Variants in SKA2 observed in about 807,000 individuals in gnomAD.
The protein encoded by SKA2 is spindle and kinetochore associated complex subunit 2, also known as spindle and kinetochore-associated protein 2.
Under a neutral mutation model 16.9 loss-of-function variants are expected in SKA2, and 13 were observed. The observed-to-expected ratio is 0.77, with a 90% CI of 0.50 to 1.22. The LOEUF (loss-of-function observed/expected upper bound fraction) is 1.22. Ranked by LOEUF, SKA2 falls within the 50% of genes most tolerant of loss-of-function variation. The pLI is 0.00. For synonymous variants in SKA2, 47 were observed against 48.5 expected, an observed-to-expected ratio of 0.97 and a Z score of 0.13; for missense variants, 107 against 139.7, an observed-to-expected ratio of 0.77 and a Z score of 1.18.
At position 59,117,018 on chromosome 17, in the gene SKA2, T is replaced by C. The variant is rs553851504; in HGVS notation, c.297+2301A>G. 4.6e-5 allele frequency among the ~76,000 whole-genome samples: 7 copies of C among 152,096 alleles called. No individual in the cohort carries two copies. In the East Asian group the frequency reaches 9.7e-4, roughly 21 times the overall value. On this transcript the variant is annotated intron_variant, in intron 3 of 3. Transcript: ENST00000330137. ...TTTTAGTAGAGATGGGGTTTCACCATGTCAGCCAGGATGGTCTCGATCTCC... is the reference window on the plus strand; with the variant it reads ...TTTTAGTAGAGATGGGGTTTCACCACGTCAGCCAGGATGGTCTCGATCTCC...
intron 1 of SKA2, among the ~76,000 whole-genome samples, chr17:59,146,991 C>A (rs1020851998): frequency 6.6e-6 from 1 of 151,864 alleles, no homozygotes; most frequent in Non-Finnish European, 1.5e-5. Context: ...GTCTTTTTTT[C>A]TTTTCTTTTT....
In SKA2 at chr17:59,146,699, T is replaced by C. The variant is rs546426997; in HGVS notation, c.33+8432A>G. ...GTTTTTGAGACAGGGTCTTGTTCTG[T>C]AACCCAGGATGGAGTGCAGTGGCAG... On this transcript the variant is annotated intron_variant, in intron 1 of 3. Transcript: ENST00000330137. Among the ~76,000 whole-genome samples the C allele has an allele frequency of 6.6e-5, 10 of 152,306 alleles. No homozygotes were observed. The South Asian group carries it at 2.1e-3, about 32-fold the overall frequency.
chr17:59,144,837 C>T (rs1006124554), intron 1 of SKA2, among the ~76,000 whole-genome samples: 2 of 152,138 alleles, frequency 1.3e-5, no homozygotes, highest in African/African-American at 2.4e-5. Flanking sequence ...TGGAGTCTCA[C>T]TCTGTCGCCC....
chr17:59,142,556 C>CT (rs901106211), intron 1 of SKA2, among the ~76,000 whole-genome samples: 13 of 151,670 alleles, frequency 8.6e-5, no homozygotes, highest in African/African-American at 2.9e-4. Context: ...TCCCAAAGTG[C>CT]TAGGATTACA....
rs2046266235 is a variant in SKA2, at chr17:59,111,958, AG to A, written c.*318del. 4.0e-6 allele frequency: 1 copy of A among 247,650 alleles called. No homozygotes were observed. The highest frequency in any genetic ancestry group is 8.2e-6 in the Non-Finnish European group (1 of 122,192). The allele number at this position is 247,650 out of a possible 1,614,324, so 15.3% of individuals were successfully genotyped here. ...CAGAACATCTATATTATCATGACTT[AG>A]AAAAAGAAAACAGATGCAAAATAGT... On this transcript the variant is annotated 3_prime_UTR_variant, in exon 4 of 4. Transcript: ENST00000330137.
rs150316606 is a variant in SKA2 at position 59,131,401 on chromosome 17, C to A, written c.34-34G>T. 85 of 1,374,828 alleles carry A rather than the reference C, an allele frequency of 6.2e-5. No individual in the cohort carries two copies. The African/African-American group carries it at 1.1e-3, about 17-fold the overall frequency. The allele number at this position is 1,374,828 out of a possible 1,614,324, so 85.2% of individuals were successfully genotyped here. On this transcript the variant is annotated intron_variant, in intron 1 of 3. Coordinates refer to ENST00000330137, the MANE Select transcript of SKA2 (RefSeq NM_182620.4). Reference sequence around the variant, plus strand: ...CAGCACAAATCATTATTGTGTAAACCAAAAGACTAATAGTAAACATGATAC... The same window carrying A: ...CAGCACAAATCATTATTGTGTAAACAAAAAGACTAATAGTAAACATGATAC...
At chr17:59,153,058 TAA>T (rs1243452624) in intron 1 of SKA2, among the ~76,000 whole-genome samples, 11 of 152,204 alleles carry the variant, frequency 7.2e-5, no homozygotes, top group Non-Finnish European at 5.9e-5. Context: ...ATTGTTCACT[TAA>T]AAGAGAATTT....
At chr17:59,122,011 C>T (rs571654658) in intron 2 of SKA2, among the ~76,000 whole-genome samples, 1 of 150,998 alleles carries the variant, frequency 6.6e-6, no homozygotes, top group Non-Finnish European at 1.5e-5. Context: ...ATTCAAGAAG[C>T]CTATAGAGCA....
chr17:59,130,045 GGA>G (rs1177150381), intron 2 of SKA2, among the ~76,000 whole-genome samples: 3 of 127,720 alleles, frequency 2.3e-5, no homozygotes, highest in South Asian at 2.8e-4. Flanking sequence ...GAGGCGGGGG[GGA>G]GAGAGAGAAA....
chr17:59,133,046 T>C (rs1414589071), intron 1 of SKA2, among the ~76,000 whole-genome samples: 2 of 152,228 alleles, frequency 1.3e-5, no homozygotes, highest in Non-Finnish European at 2.9e-5. Flanking sequence ...GGCACCATCA[T>C]AGCTCACTGC....
intron 1 of SKA2, among the ~76,000 whole-genome samples, chr17:59,136,162 A>T (rs930371210): frequency 5.3e-5 from 8 of 151,864 alleles, no homozygotes; most frequent in Non-Finnish European, 8.8e-5. Flanking sequence ...GGCAGTACTG[A>T]CTTATTATTA....
chr17:59,140,526 G>A (rs573170223), intron 1 of SKA2, among the ~76,000 whole-genome samples: 4 of 151,910 alleles, frequency 2.6e-5, no homozygotes, highest in African/African-American at 7.2e-5. Flanking sequence ...ACTGCGCCCG[G>A]CCCAATCTGC....
chr17:59,129,159 G>A, intron 2 of SKA2: 1 of 152,402 alleles, frequency 6.6e-6, no homozygotes, highest in Non-Finnish European at 1.5e-5. Context: ...AACCAACCTA[G>A]GCAACATGTT....
chr17:59,113,283 A>T (rs1233868935), intron 3 of SKA2, among the ~76,000 whole-genome samples: 1 of 151,930 alleles, frequency 6.6e-6, no homozygotes, highest in Non-Finnish European at 1.5e-5. Flanking sequence ...GCGCTTCGGG[A>T]GGCTGAGGCG....
At chr17:59,154,098 CA>C (rs1423099696) in intron 1 of SKA2, among the ~76,000 whole-genome samples, 1 of 132,620 alleles carries the variant, frequency 7.5e-6, no homozygotes, top group Admixed American at 8.2e-5. Flanking sequence ...AGCAAACAAA[CA>C]AAAAAAGACA....
At chr17:59,122,072 C>T (rs2046339193) in intron 2 of SKA2, among the ~76,000 whole-genome samples, 1 of 151,898 alleles carries the variant, frequency 6.6e-6, no homozygotes, top group African/African-American at 2.4e-5. Flanking sequence ...AGGATGTTTC[C>T]ATGGGAGAAA....
intron 2 of SKA2, among the ~76,000 whole-genome samples, chr17:59,123,772 AAC>A (rs1473669657): frequency 6.8e-6 from 1 of 146,524 alleles, no homozygotes; most frequent in Non-Finnish European, 1.5e-5. Context: ...CTCTGGACTA[AAC>A]AGTTATATAT....
intron 1 of SKA2, among the ~76,000 whole-genome samples, chr17:59,148,700 T>C (rs2046552915): frequency 6.8e-6 from 1 of 147,172 alleles, no homozygotes; most frequent in African/African-American, 2.5e-5. Flanking sequence ...CTCAGCTACT[T>C]GGGAGGCTGA....
chr17:59,154,963 G>C, intron 1 of SKA2, 168 bp downstream of exon 1: 1 of 1,613,956 alleles, frequency 6.2e-7, no homozygotes, highest in Non-Finnish European at 8.5e-7. Flanking sequence ...TACCCGAGGC[G>C]GTTTAGACAC....
Sources: allele counts gnomAD v4.1 joint callset (sites outside exome capture counted in the v4.1 genomes callset), GRCh38; gene constraint gnomAD v4.1.1; transcripts MANE v1.5; gene names NCBI Gene and HGNC (gene_info 2026-07-23, HGNC 2026-07-21).